Variants in ATP8A2 observed in about 807,000 individuals in gnomAD.
ATP8A2 encodes the protein ATPase phospholipid transporting 8A2, also known as phospholipid-transporting ATPase IB.
A neutral mutation model predicts 165.6 loss-of-function variants in ATP8A2; 100 were observed. That is an observed-to-expected ratio of 0.60 (90% CI 0.51 to 0.71). The LOEUF is 0.71. ATP8A2 is among the 30% of genes least tolerant of loss of function. The pLI, the probability that ATP8A2 is intolerant of heterozygous loss-of-function variation, is 0.00. For missense variants in ATP8A2, 1,227 were observed against 1,479.5 expected, an observed-to-expected ratio of 0.83 and a Z score of 2.80; for synonymous variants, 543 against 548.8, an observed-to-expected ratio of 0.99 and a Z score of 0.15.
chr13:25,394,299 A>C (rs1313502459), intron 1 of ATP8A2, among the ~76,000 whole-genome samples: 1 of 152,262 alleles, frequency 6.6e-6, no homozygotes, highest in East Asian at 1.9e-4. Flanking sequence ...GCAGTGATGC[A>C]GGGAAGTTGG....
At chr13:25,664,012 C>T (rs1004684342) in intron 24 of ATP8A2, among the ~76,000 whole-genome samples, 6 of 151,778 alleles carry the variant, frequency 4.0e-5, no homozygotes, top group Admixed American at 3.3e-4. Flanking sequence ...AGTTTGAGAC[C>T]AGCCTGGGCA....
chr13:25,632,629 T>C (rs944308405), intron 24 of ATP8A2, among the ~76,000 whole-genome samples: 10 of 152,222 alleles, frequency 6.6e-5, no homozygotes, highest in African/African-American at 2.4e-4. Flanking sequence ...TTTCACCTGA[T>C]TGGCTTCCGC....
chr13:25,764,540 G>A (rs932351822), intron 25 of ATP8A2, among the ~76,000 whole-genome samples: 1 of 152,198 alleles, frequency 6.6e-6, no homozygotes, highest in Non-Finnish European at 1.5e-5. Context: ...CCAGAGACAA[G>A]CAGCAGCGGC....
intron 24 of ATP8A2, among the ~76,000 whole-genome samples, chr13:25,607,778 A>G (rs1225269342): frequency 6.6e-6 from 1 of 152,210 alleles, no homozygotes; most frequent in Non-Finnish European, 1.5e-5. Flanking sequence ...GTAAATAATG[A>G]AGTAGATTCA....
intron 27 of ATP8A2, among the ~76,000 whole-genome samples, chr13:25,827,643 A>G (rs1951354531): frequency 6.6e-6 from 1 of 152,252 alleles, no homozygotes; most frequent in Admixed American, 6.5e-5. Flanking sequence ...GGTGGTAGAC[A>G]TCTGATTAAG....
At chr13:25,981,112 T>A (rs2139256058) in intron 35 of ATP8A2, among the ~76,000 whole-genome samples, 1 of 152,330 alleles carries the variant, frequency 6.6e-6, no homozygotes, top group East Asian at 1.9e-4. Context: ...TTGTTTTGTT[T>A]TGGGTTGTGT....
intron 27 of ATP8A2, among the ~76,000 whole-genome samples, chr13:25,798,982 C>T: frequency 6.6e-6 from 1 of 151,662 alleles, no homozygotes; most frequent in Non-Finnish European, 1.5e-5. Context: ...AGTGAGACCC[C>T]CATCTCTAAG....
chr13:25,928,520 C>A (rs558284746), intron 33 of ATP8A2, among the ~76,000 whole-genome samples: 3 of 152,244 alleles, frequency 2.0e-5, no homozygotes, highest in East Asian at 3.9e-4. Context: ...AAGAACTCCA[C>A]GCAAATTCGA....
intron 25 of ATP8A2, among the ~76,000 whole-genome samples, chr13:25,713,687 G>C (rs1365022622): frequency 6.6e-6 from 1 of 152,168 alleles, no homozygotes; most frequent in Non-Finnish European, 1.5e-5. Context: ...TCGTGTTCTT[G>C]AGATGACTTT....
chr13:25,372,342 G>A lies in ATP8A2; in HGVS notation c.76+54G>A, dbSNP rs1005135517. ...GGTGGGCCCGGGGCGGGGGCGGCGC[G>A]GGGCGCGCCTGCGGTTATGCGACAC... is the stretch of plus-strand genomic sequence containing the variant. On this transcript the variant is annotated intron_variant, in intron 1 of 36. Transcript: ENST00000381655. The surrounding 1 kb of genome is among the most constrained non-coding windows in gnomAD (Gnocchi z 4.8). The A allele has an allele frequency of 2.5e-5, 33 of 1,321,066 alleles. No homozygotes were observed. Among genetic ancestry groups the A allele is most frequent in the East Asian group, 6.5e-5 (2 of 30,962 alleles). 81.8% of individuals were successfully genotyped at this position (1,321,066 alleles called of 1,614,324 possible). A position where few individuals can be genotyped will look rare whatever the true frequency, so the allele number is the denominator to read the frequency against.
Position 25,563,943 on chromosome 13 carries a change from TTC to T in ATP8A2, c.1398-7_1398-6del, listed in dbSNP as rs1435800496. ...TTTTAAATTGAATAAATTTTCTCTGTTCTCTCTTACAGTCGGATGCCTCCTCC... is the reference window on the plus strand; with the variant it reads ...TTTTAAATTGAATAAATTTTCTCTGTTCTCTTACAGTCGGATGCCTCCTCC... On this transcript the variant is annotated splice_polypyrimidine_tract_variant and intron_variant, in intron 15 of 36. Coordinates refer to ENST00000381655, the MANE Select transcript of ATP8A2 (RefSeq NM_016529.6). 2 of 1,596,246 alleles carry T rather than the reference TTC, an allele frequency of 1.3e-6. No homozygotes were observed. The highest frequency in any genetic ancestry group is 1.7e-5 in the Admixed American group (1 of 59,956).
chr13:25,421,898 G>A (rs1266866757), intron 1 of ATP8A2, among the ~76,000 whole-genome samples: 3 of 152,180 alleles, frequency 2.0e-5, no homozygotes, highest in Non-Finnish European at 2.9e-5. Flanking sequence ...TCTCTTTGAG[G>A]ATATTTCCAT....
chr13:25,699,451 C>T lies in ATP8A2; in HGVS notation c.2384+106C>T, dbSNP rs544495389. On this transcript the variant is annotated intron_variant, in intron 25 of 36. Coordinates refer to ENST00000381655, the MANE Select transcript of ATP8A2 (RefSeq NM_016529.6). ...GAATTCTAGGTTTAAAGTTTTGTAT[C>T]TAAAAAAGGCAAAACAAAAATACAA... 50 of 890,194 alleles carry T rather than the reference C, an allele frequency of 5.6e-5. No homozygotes were observed. The Middle Eastern group carries it at 8.7e-4, about 16-fold the overall frequency. 55.1% of individuals were successfully genotyped at this position (890,194 alleles called of 1,614,324 possible).
intron 2 of ATP8A2, among the ~76,000 whole-genome samples, chr13:25,505,506 C>T (rs9581362): frequency 0.059 from 9,006 of 152,276 alleles, 341 homozygotes; most frequent in South Asian, 0.13. Context: ...TCTTAAAACA[C>T]AACCTGATAT....
intron 25 of ATP8A2, among the ~76,000 whole-genome samples, chr13:25,723,580 TTC>T (rs1310934956): frequency 9.2e-5 from 14 of 152,330 alleles, no homozygotes; most frequent in African/African-American, 3.4e-4. Flanking sequence ...TTTGTTTGTT[TTC>T]TGTTTTTAAC....
intron 24 of ATP8A2, among the ~76,000 whole-genome samples, chr13:25,608,180 CT>C (rs1346808944): frequency 1.3e-5 from 2 of 152,140 alleles, no homozygotes; most frequent in African/African-American, 4.8e-5. Context: ...TTGGTGAAGG[CT>C]TTTGTGCTGT....
At chr13:25,660,097 A>G (rs536360577) in intron 24 of ATP8A2, among the ~76,000 whole-genome samples, 4 of 152,350 alleles carry the variant, frequency 2.6e-5, no homozygotes, top group South Asian at 2.1e-4. Flanking sequence ...GCTCTTCTAA[A>G]TATCAGAATT....
intron 24 of ATP8A2, among the ~76,000 whole-genome samples, chr13:25,607,818 C>A (rs2040556933): frequency 6.6e-6 from 1 of 152,164 alleles, no homozygotes; most frequent in Admixed American, 6.5e-5. Context: ...AATCTTTAAT[C>A]CCCTTATTTC....
At chr13:25,770,429 TCCC>T (rs758861289) in intron 26 of ATP8A2, among the ~76,000 whole-genome samples, 4 of 152,108 alleles carry the variant, frequency 2.6e-5, no homozygotes, top group Non-Finnish European at 4.4e-5. Flanking sequence ...CAGCTTTGAC[TCCC>T]TATGATTTCT....
Sources: gnomAD v4.1 joint callset for allele counts (sites outside exome capture counted in the v4.1 genomes callset) on GRCh38, gnomAD v4.1.1 for gene constraint, Gnocchi (gnomAD v3.1) non-coding constraint, MANE v1.5 for transcripts, NCBI Gene and HGNC (gene_info 2026-07-23, HGNC 2026-07-21) for gene names.